Variants in RIPOR2 observed in about 807,000 individuals in gnomAD.
RIPOR2 encodes the protein rho family-interacting cell polarization regulator 2.
A neutral mutation model predicts 114.5 loss-of-function variants in RIPOR2; 39 were observed. That is an observed-to-expected ratio of 0.34 (90% CI 0.26 to 0.44). The LOEUF (loss-of-function observed/expected upper bound fraction) is 0.44. RIPOR2 is among the 20% of genes least tolerant of loss of function. RIPOR2 has a pLI of 1.00. For missense variants in RIPOR2, 1,007 were observed against 1,255.1 expected (o/e 0.80, Z 2.99); for synonymous variants, 445 against 484.4 (o/e 0.92, Z 1.07).
At chr6:24,904,428 T>C (rs1768767169) in intron 1 of RIPOR2, among the ~76,000 whole-genome samples, 1 of 152,350 alleles carries the variant, frequency 6.6e-6, no homozygotes, top group African/African-American at 2.4e-5. Context: ...CCCTCTGACA[T>C]AGCAGGGGAA....
intron 1 of RIPOR2, among the ~76,000 whole-genome samples, chr6:24,888,648 C>A (rs1265710761): frequency 6.6e-6 from 1 of 152,120 alleles, no homozygotes; most frequent in Non-Finnish European, 1.5e-5. Context: ...CATGAGGGTC[C>A]AGTAGGAAAT....
intron 1 of RIPOR2, among the ~76,000 whole-genome samples, chr6:25,033,671 CA>C (rs1253102559): frequency 6.6e-6 from 1 of 152,160 alleles, no homozygotes; most frequent in Non-Finnish European, 1.5e-5. Context: ...TGTCTTCACT[CA>C]TTTTATATTT....
chr6:24,904,584 T>C (rs888763988), intron 1 of RIPOR2, among the ~76,000 whole-genome samples: 3 of 152,244 alleles, frequency 2.0e-5, no homozygotes, highest in Non-Finnish European at 4.4e-5. Flanking sequence ...CATTAGGACA[T>C]GGACATCTTT....
chr6:24,843,614 T>C lies in RIPOR2; in HGVS notation c.1165-60A>G, dbSNP rs1761959258. ...TACAAATGATGCATTTGGCTTGGCA[T>C]GGTTTATTTCCAGACAGAATATAAG... On this transcript the variant is annotated intron_variant, in intron 12 of 21. Transcript: ENST00000643898. The C allele has an allele frequency of 5.6e-6, 7 of 1,253,896 alleles. No homozygotes were observed. The South Asian group carries it at 9.8e-5, about 18-fold the overall frequency. The allele number at this position is 1,253,896 out of a possible 1,614,324, so 77.7% of individuals were successfully genotyped here.
intron 1 of RIPOR2, among the ~76,000 whole-genome samples, chr6:25,041,099 A>G (rs573490203): frequency 5.9e-5 from 9 of 152,286 alleles, no homozygotes; most frequent in African/African-American, 2.2e-4. Context: ...TTTTTCTCAC[A>G]ACAGAGACAG....
intron 1 of RIPOR2, among the ~76,000 whole-genome samples, chr6:24,932,313 A>ACT (rs1408795786): frequency 3.4e-5 from 3 of 89,330 alleles, no homozygotes; most frequent in African/African-American, 1.2e-4. Context: ...CAAACTTAAG[A>ACT]CTGTGTGTGT....
intron 1 of RIPOR2, chr6:25,023,617 G>C: frequency 1.3e-6 from 1 of 764,022 alleles, no homozygotes; most frequent in Non-Finnish European, 2.4e-6. Context: ...CTAAATGAGT[G>C]TGGTAAAGGA....
chr6:24,957,250 T>C (rs638321), intron 1 of RIPOR2, among the ~76,000 whole-genome samples: 147,605 of 152,334 alleles, frequency 0.97, 71,525 homozygotes, highest in East Asian at 0.99. Context: ...ACTTAAGTTG[T>C]ACTTACAATG....
intron 1 of RIPOR2, among the ~76,000 whole-genome samples, chr6:25,017,063 G>A (rs1399199938): frequency 6.6e-6 from 1 of 152,222 alleles, no homozygotes; most frequent in South Asian, 2.1e-4. Context: ...AAGTGGCACC[G>A]GCACGGTGGC....
At chr6:24,833,872 G>A (rs899028126) in intron 15 of RIPOR2, among the ~76,000 whole-genome samples, 5 of 151,962 alleles carry the variant, frequency 3.3e-5, no homozygotes. Flanking sequence ...TGCACTAAAA[G>A]CATGCCAATT....
chr6:24,976,569 G>A (rs544223557), intron 1 of RIPOR2: 8 of 1,597,790 alleles, frequency 5.0e-6, no homozygotes, highest in Non-Finnish European at 6.9e-6. Flanking sequence ...TTGCAGACAA[G>A]GTCCCAAAGA....
intron 1 of RIPOR2, among the ~76,000 whole-genome samples, chr6:24,893,685 A>G (rs1767579430): frequency 6.6e-6 from 1 of 152,246 alleles, no homozygotes; most frequent in Admixed American, 6.5e-5. Context: ...ACTCAGGCCA[A>G]CATCTGTGTA....
intron 7 of RIPOR2, among the ~76,000 whole-genome samples, chr6:24,864,781 A>G (rs1764415426): frequency 6.6e-6 from 1 of 152,160 alleles, no homozygotes; most frequent in Non-Finnish European, 1.5e-5. Context: ...TCACAATTAA[A>G]AAAAACATTG....
At chr6:24,968,893 G>A (rs1014797912) in intron 1 of RIPOR2, among the ~76,000 whole-genome samples, 5 of 152,178 alleles carry the variant, frequency 3.3e-5, no homozygotes, top group Admixed American at 6.5e-5. Context: ...CATGTTGCTG[G>A]TTGCCTGACC....
intron 1 of RIPOR2, among the ~76,000 whole-genome samples, chr6:24,992,420 A>G (rs955851652): frequency 3.3e-5 from 5 of 152,240 alleles, no homozygotes; most frequent in African/African-American, 1.2e-4. Flanking sequence ...ATTCCTATAC[A>G]CTAGCAACAG....
intron 1 of RIPOR2, among the ~76,000 whole-genome samples, chr6:24,889,808 A>G (rs954229118): frequency 5.9e-5 from 9 of 152,166 alleles, no homozygotes; most frequent in Non-Finnish European, 1.3e-4. Flanking sequence ...CTTGAAATAA[A>G]TTTCTCTGAT....
rs564362037 is a variant in RIPOR2 at position 24,909,547 on chromosome 6, G to A, written c.61+26291C>T. 2.0e-5 allele frequency among the ~76,000 whole-genome samples: 3 copies of A among 152,154 alleles called. No individual in the cohort carries two copies. The South Asian group carries it at 6.2e-4, about 32-fold the overall frequency. On this transcript the variant is annotated intron_variant, in intron 1 of 21. Transcript: ENST00000643898. Reference sequence around the variant, plus strand: ...TACACTCTCAGAGCAAGACAGACCCGATAGAAAACAAAAGGGAAGAAATGA... The same window carrying A: ...TACACTCTCAGAGCAAGACAGACCCAATAGAAAACAAAAGGGAAGAAATGA...
chr6:24,915,354 C>CTTT (rs571125440), intron 1 of RIPOR2, among the ~76,000 whole-genome samples: 1 of 132,896 alleles, frequency 7.5e-6, no homozygotes, highest in African/African-American at 3.0e-5. Context: ...TCTGTCTGTA[C>CTTT]TTTTTTTTTT....
intron 4 of RIPOR2, 132 bp downstream of exon 4, chr6:24,872,749 T>C: frequency 1.7e-6 from 1 of 585,212 alleles, no homozygotes; most frequent in Non-Finnish European, 3.1e-6. Context: ...TAAGACATAC[T>C]GGGGGATGCA....
Sources: gnomAD v4.1 joint callset for allele counts (sites outside exome capture counted in the v4.1 genomes callset) on GRCh38, gnomAD v4.1.1 for gene constraint, MANE v1.5 for transcripts, NCBI Gene and HGNC (gene_info 2026-07-23, HGNC 2026-07-21) for gene names.